IQANK1: variants seen among roughly 807,000 people sequenced by gnomAD.
The protein encoded by IQANK1 is IQ motif and ankyrin repeat domain-containing protein 1.
In IQANK1, 30 loss-of-function variants were observed where a neutral mutation model predicts 22.6. The observed-to-expected ratio is 1.33, with a 90% CI of 0.99 to 1.80. IQANK1 has a LOEUF of 1.80. Among genes scored for constraint, IQANK1 ranks in the 40% most tolerant of loss-of-function variants. IQANK1 has a pLI of 0.00. For missense variants in IQANK1, 275 were observed against 235.2 expected (o/e 1.17, Z -1.11); for synonymous variants, 122 against 99.6 (o/e 1.23, Z -1.34).
intron 3 of IQANK1, among the ~76,000 whole-genome samples, chr8:143,767,275 A>G (rs1819497515): frequency 6.6e-6 from 1 of 152,098 alleles, no homozygotes; most frequent in Non-Finnish European, 1.5e-5. Context: ...TGTCCACTCA[A>G]TCTATGAATA....
chr8:143,753,554 A>C (rs1554628266), intron 3 of IQANK1, among the ~76,000 whole-genome samples: 1 of 151,366 alleles, frequency 6.6e-6, no homozygotes, highest in Non-Finnish European at 1.5e-5. Flanking sequence ...CCCGGTTTCA[A>C]GTGATTCTCC....
Position 143,735,056 on chromosome 8 carries a change from C to T in IQANK1, c.-4-794C>T, listed in dbSNP as rs1468539621. On this transcript the variant is annotated intron_variant, in intron 1 of 13. Coordinates refer to ENST00000527139, the MANE Select transcript of IQANK1 (RefSeq NM_001381874.1). The surrounding 1 kb of genome is among the most constrained non-coding windows in gnomAD (Gnocchi z 5.2). ...TCATCAGTCGCCTTTCTCTTTGTTC[C>T]TCTTGCCATGTGATCCTATTTTCTG... 6.6e-6 allele frequency among the ~76,000 whole-genome samples: 1 copy of T among 152,238 alleles called. No individual in the cohort carries two copies. Among genetic ancestry groups the T allele is most frequent in the Admixed American group, 6.5e-5 (1 of 15,286 alleles).
rs781898568 is a variant in IQANK1, at chr8:143,759,139, C to T, written c.176-12349C>T. 182 of 298,704 alleles carry T rather than the reference C, an allele frequency of 6.1e-4. 2 individuals are homozygous for T. The highest frequency in any genetic ancestry group is 9.8e-4 in the Admixed American group (25 of 25,382). The allele number at this position is 298,704 out of a possible 1,614,324, so 18.5% of individuals were successfully genotyped here. A position where few individuals can be genotyped will look rare whatever the true frequency, so the allele number is the denominator to read the frequency against. On this transcript the variant is annotated intron_variant, in intron 3 of 13. Transcript: ENST00000527139. ...GAGGTTCTGGAACACCACGATGCTCCAGGAGAAGCTCCTGGCTGGGCTGCA... is the reference window on the plus strand; with the variant it reads ...GAGGTTCTGGAACACCACGATGCTCTAGGAGAAGCTCCTGGCTGGGCTGCA...
At chr8:143,752,605 TG>T (rs1451276680) in intron 3 of IQANK1, among the ~76,000 whole-genome samples, 3 of 152,192 alleles carry the variant, frequency 2.0e-5, no homozygotes, top group African/African-American at 7.2e-5. Flanking sequence ...TATATGATGG[TG>T]GTCCTCAAAG....
At position 143,753,337 on chromosome 8, in the gene IQANK1, T is replaced by C. The variant is rs1819232224; in HGVS notation, c.175+13389T>C. Among the ~76,000 whole-genome samples, 5 of 152,112 alleles carry C rather than the reference T, an allele frequency of 3.3e-5. No individual in the cohort carries two copies. The South Asian group carries it at 1.0e-3, about 31-fold the overall frequency. On this transcript the variant is annotated intron_variant, in intron 3 of 13. Transcript: ENST00000527139. Reference sequence around the variant, plus strand: ...CCTTTTTGTTAATATTTCCATTTCATTCATACATTATTTTCTTGACTTCTT... The same window carrying C: ...CCTTTTTGTTAATATTTCCATTTCACTCATACATTATTTTCTTGACTTCTT...
chr8:143,772,521 C>G (rs1262371667), intron 7 of IQANK1, 39 bp downstream of exon 7: 4 of 398,130 alleles, frequency 1.0e-5, no homozygotes, highest in Non-Finnish European at 1.8e-5. Flanking sequence ...GAGGTGTGAG[C>G]CCCGGGAGGT....
chr8:143,740,549 T>G (rs1243680362), intron 3 of IQANK1, among the ~76,000 whole-genome samples: 5 of 152,232 alleles, frequency 3.3e-5, no homozygotes, highest in African/African-American at 4.8e-5. Context: ...CCCTCCTGCT[T>G]CTGCGCTGGT....
Position 143,753,746 on chromosome 8 carries a change from C to T in IQANK1, c.175+13798C>T, listed in dbSNP as rs899918505. 1.8e-4 allele frequency among the ~76,000 whole-genome samples: 27 copies of T among 152,164 alleles called. 1 individual carries two copies. Among genetic ancestry groups the T allele is most frequent in the Admixed American group, 3.3e-4 (5 of 15,264 alleles). ...TTGCGATTATAGGTGTGAGCCACCA[C>T]GCCCAGCTTTTCAGAGATAGTTTCT... On this transcript the variant is annotated intron_variant, in intron 3 of 13. Coordinates refer to ENST00000527139, the MANE Select transcript of IQANK1 (RefSeq NM_001381874.1).
At chr8:143,760,756 A>G (rs1189895206) in intron 3 of IQANK1, among the ~76,000 whole-genome samples, 1 of 152,184 alleles carries the variant, frequency 6.6e-6, no homozygotes, top group Non-Finnish European at 1.5e-5. Flanking sequence ...AAGTAACAAG[A>G]AGGACCCTGA....
chr8:143,778,058 C>T (rs967242520), intron 7 of IQANK1, among the ~76,000 whole-genome samples: 3 of 151,960 alleles, frequency 2.0e-5, no homozygotes, highest in Non-Finnish European at 4.4e-5. Flanking sequence ...AGCCGGGCAT[C>T]GTAGCGGGCG....
At chr8:143,760,813 G>A (rs1016917840) in intron 3 of IQANK1, among the ~76,000 whole-genome samples, 2 of 152,258 alleles carry the variant, frequency 1.3e-5, no homozygotes, top group African/African-American at 4.8e-5. Flanking sequence ...CCGGGTTGGA[G>A]CAGAGGAGCA....
chr8:143,782,152 T>C (rs1819807095), intron 7 of IQANK1, among the ~76,000 whole-genome samples: 1 of 152,220 alleles, frequency 6.6e-6, no homozygotes, highest in Admixed American at 6.5e-5. Flanking sequence ...GTGATTTTTG[T>C]ACATTTATTT....
Position 143,774,924 on chromosome 8 carries a change from CTG to C in IQANK1, c.789+2445_789+2446del, listed in dbSNP as rs1457646676. Among the ~76,000 whole-genome samples the C allele has an allele frequency of 5.3e-5, 8 of 152,098 alleles. No individual in the cohort carries two copies. The highest frequency in any genetic ancestry group is 1.3e-4 in the Admixed American group (2 of 15,274). ...GGTCACACACACTCACATGACAACA[CTG>C]TGGAGACGGAGGACAGATCGGAGGG... On this transcript the variant is annotated intron_variant, in intron 7 of 13. Transcript: ENST00000527139. This position sits in a 1 kb window ranked among gnomAD's most constrained non-coding sequence, Gnocchi z 4.2.
At chr8:143,789,585 C>G in intron 10 of IQANK1, 57 bp downstream of exon 10, 2 of 1,231,198 alleles carry the variant, frequency 1.6e-6, no homozygotes, top group Non-Finnish European at 2.0e-6. Context: ...CCTCCTTGTT[C>G]CAAACCAGCC....
At chr8:143,777,500 G>A (rs1280831328) in intron 7 of IQANK1, among the ~76,000 whole-genome samples, 4 of 135,046 alleles carry the variant, frequency 3.0e-5, no homozygotes, top group African/African-American at 8.2e-5. Context: ...CAGCCTGGGC[G>A]ACAGAACAAG....
rs1166944490 is a variant in IQANK1, at chr8:143,789,744, G to A, written c.1087-17G>A. Reference sequence around the variant, plus strand: ...CATGGGGCAGGGCAAGCAAGTCAGTGTGGCCTCCTCCTCCAGGCCATCAAG... The same window carrying A: ...CATGGGGCAGGGCAAGCAAGTCAGTATGGCCTCCTCCTCCAGGCCATCAAG... On this transcript the variant is annotated splice_polypyrimidine_tract_variant and intron_variant, in intron 10 of 13. Coordinates refer to ENST00000527139, the MANE Select transcript of IQANK1 (RefSeq NM_001381874.1). 7.3e-6 allele frequency: 9 copies of A among 1,230,508 alleles called. No homozygotes were observed. In the African/African-American group the frequency reaches 7.8e-5, roughly 11 times the overall value. 76.2% of individuals were successfully genotyped at this position (1,230,508 alleles called of 1,614,324 possible). A position where few individuals can be genotyped will look rare whatever the true frequency, so the allele number is the denominator to read the frequency against.
intron 3 of IQANK1, among the ~76,000 whole-genome samples, 153 bp downstream of exon 3, chr8:143,740,101 C>T (rs750638762): frequency 3.3e-5 from 5 of 152,086 alleles, no homozygotes; most frequent in Admixed American, 2.6e-4. Flanking sequence ...CGCGTGTACG[C>T]GCACCTGTGA....
chr8:143,748,848 A>AATATATATATCATATATAAATATATAAAT (rs1554627622), intron 3 of IQANK1, among the ~76,000 whole-genome samples: 2,048 of 106,378 alleles, frequency 0.019, 45 homozygotes, highest in Non-Finnish European at 0.03. Flanking sequence ...TAAATATATA[A>AATATATATATCATATATAAATATATAAAT]ATATATATAT....
At chr8:143,762,326 A>AGGG (rs1554628930) in intron 3 of IQANK1, among the ~76,000 whole-genome samples, 15 of 149,216 alleles carry the variant, frequency 1.0e-4, no homozygotes, top group Non-Finnish European at 1.9e-4. Flanking sequence ...GGAAGGAAGG[A>AGGG]AGGGAGGGAG....
Sources: allele counts gnomAD v4.1 joint callset (sites outside exome capture counted in the v4.1 genomes callset), GRCh38; gene constraint gnomAD v4.1.1; non-coding constraint Gnocchi (gnomAD v3.1); transcripts MANE v1.5; gene names NCBI Gene and HGNC (gene_info 2026-07-23, HGNC 2026-07-21).